Variants in MAP3K5 observed in about 807,000 individuals in gnomAD.
The protein encoded by MAP3K5 is mitogen-activated protein kinase kinase kinase 5.
In MAP3K5, 56 loss-of-function variants were observed where a neutral mutation model predicts 158.7. That is an observed-to-expected ratio of 0.35 (90% CI 0.28 to 0.44). The LOEUF is 0.44. Among genes scored for constraint, MAP3K5 ranks in the 20% least tolerant of loss-of-function variants. MAP3K5 has a pLI of 1.00. For missense variants in MAP3K5, 1,294 were observed against 1,674.8 expected (o/e 0.77, Z 3.97); for synonymous variants, 579 against 601.7 (o/e 0.96, Z 0.55).
At chr6:136,676,793 C>CTTT (rs67161871) in intron 7 of MAP3K5, among the ~76,000 whole-genome samples, 4 of 130,730 alleles carry the variant, frequency 3.1e-5, no homozygotes, top group Non-Finnish European at 4.8e-5. Context: ...CTTTTCTTTT[C>CTTT]TTTTTTTTTT....
chr6:136,593,825 A>C, intron 21 of MAP3K5: 2 of 365,952 alleles, frequency 5.5e-6, no homozygotes, highest in Non-Finnish European at 1.1e-5. Context: ...AAATTATAGA[A>C]AAGGAAATCC....
chr6:136,779,477 T>C (rs1490786124), intron 1 of MAP3K5, among the ~76,000 whole-genome samples: 1 of 149,368 alleles, frequency 6.7e-6, no homozygotes, highest in East Asian at 2.0e-4. Flanking sequence ...AATAAGGTCA[T>C]ACATATAGTG....
intron 25 of MAP3K5, among the ~76,000 whole-genome samples, chr6:136,574,816 C>T (rs1019313840): frequency 2.6e-5 from 4 of 151,210 alleles, no homozygotes; most frequent in African/African-American, 7.3e-5. Flanking sequence ...CAGCCTCCCA[C>T]GTAGCTGGGA....
chr6:136,740,095 C>T (rs1323825924), intron 1 of MAP3K5, among the ~76,000 whole-genome samples: 1 of 152,200 alleles, frequency 6.6e-6, no homozygotes, highest in African/African-American at 2.4e-5. Flanking sequence ...ATCTCCCAGC[C>T]AAGGTAATGA....
intron 1 of MAP3K5, among the ~76,000 whole-genome samples, chr6:136,779,267 T>C (rs1018825670): frequency 6.6e-6 from 1 of 151,218 alleles, no homozygotes; most frequent in African/African-American, 2.4e-5. Flanking sequence ...AAATAAATAA[T>C]AAATAAATAA....
chr6:136,725,780 C>T (rs1781941608), intron 1 of MAP3K5, among the ~76,000 whole-genome samples: 1 of 152,134 alleles, frequency 6.6e-6, no homozygotes, highest in African/African-American at 2.4e-5. Flanking sequence ...AACCCAAGGT[C>T]ACAAAAGTTT....
intron 1 of MAP3K5, among the ~76,000 whole-genome samples, chr6:136,786,909 A>T (rs765305788): frequency 6.8e-6 from 1 of 147,810 alleles, no homozygotes; most frequent in Non-Finnish European, 1.5e-5. Flanking sequence ...GGCTCAAGGG[A>T]TCCTCCCACC....
At chr6:136,655,644 A>G (rs1778707397) in intron 10 of MAP3K5, among the ~76,000 whole-genome samples, 1 of 152,160 alleles carries the variant, frequency 6.6e-6, no homozygotes, top group South Asian at 2.1e-4. Context: ...TGGATGCTGG[A>G]CGATATTAAG....
chr6:136,590,609 C>T (rs1341104474), intron 23 of MAP3K5, among the ~76,000 whole-genome samples: 2 of 151,396 alleles, frequency 1.3e-5, no homozygotes, highest in African/African-American at 2.4e-5. Context: ...GGCGCGATCT[C>T]AGCTCACTGC....
At chr6:136,607,340 C>T (rs1408954910) in intron 18 of MAP3K5, among the ~76,000 whole-genome samples, 1 of 148,540 alleles carries the variant, frequency 6.7e-6, no homozygotes, top group Non-Finnish European at 1.5e-5. Context: ...GTAATGTCAA[C>T]AACAAATTAT....
At chr6:136,604,294 C>A (rs34969769) in intron 19 of MAP3K5, among the ~76,000 whole-genome samples, 1 of 150,712 alleles carries the variant, frequency 6.6e-6, no homozygotes, top group African/African-American at 2.4e-5. Context: ...TGCACTCCAG[C>A]CTGGGTGATA....
At chr6:136,651,651 G>A (rs777710415) in intron 10 of MAP3K5, among the ~76,000 whole-genome samples, 1 of 152,008 alleles carries the variant, frequency 6.6e-6, no homozygotes, top group Non-Finnish European at 1.5e-5. Context: ...TAATAAACAC[G>A]TTTTTGCACT....
Position 136,702,888 on chromosome 6 carries a change from G to A in MAP3K5, c.612+2222C>T, listed in dbSNP as rs1271484757. 2.0e-5 allele frequency among the ~76,000 whole-genome samples: 3 copies of A among 151,874 alleles called. No homozygotes were observed. In the East Asian group the frequency reaches 5.8e-4, roughly 29 times the overall value. ...TTGTTGTATTTTTAGTAGAGACAGG[G>A]TTTCACCATGTTGGCCAGACTGGTC... On this transcript the variant is annotated intron_variant, in intron 3 of 29. Transcript: ENST00000359015.
intron 1 of MAP3K5, among the ~76,000 whole-genome samples, chr6:136,731,254 T>A (rs1335696752): frequency 6.6e-6 from 1 of 152,182 alleles, no homozygotes; most frequent in Non-Finnish European, 1.5e-5. Flanking sequence ...ACCGATCATT[T>A]TGCCCAGAAT....
Position 136,557,787 on chromosome 6 carries a change from T to G in MAP3K5, c.4096A>C (p.Ile1366Leu). 1 of 1,612,918 alleles carries G rather than the reference T, an allele frequency of 6.2e-7. No individual in the cohort carries two copies. The highest frequency in any genetic ancestry group is 8.5e-7 in the Non-Finnish European group (1 of 1,178,918). ...GGMLCTLWKA[I>L]IDFRNKQT is the part of the protein sequence containing the mutation. Reference sequence around the variant, plus strand: ...GTCTGTTTGTTTCGAAAGTCAATGATAGCCTTCCACAGTGTGCACAGCATC... The same window carrying G: ...GTCTGTTTGTTTCGAAAGTCAATGAGAGCCTTCCACAGTGTGCACAGCATC... The change falls in exon 30 of 30, where the codon ATC (isoleucine) becomes CTC (leucine). Residue 1366 changes from isoleucine to leucine, a missense_variant. Around this residue, in one of 5 missense-constraint regions of MAP3K5, gnomAD observed 199 missense variants for 220.3 expected, o/e 0.90. Transcript: ENST00000359015.
intron 19 of MAP3K5, among the ~76,000 whole-genome samples, chr6:136,602,318 TG>T (rs1330766114): frequency 2.6e-5 from 4 of 152,156 alleles, no homozygotes; most frequent in Non-Finnish European, 5.9e-5. Context: ...TTCTTTTTTT[TG>T]AGACAGGATC....
At chr6:136,633,503 T>C (rs974214643) in intron 14 of MAP3K5, among the ~76,000 whole-genome samples, 62 of 152,198 alleles carry the variant, frequency 4.1e-4, no homozygotes, top group African/African-American at 1.4e-3. Context: ...ATGAACTTTG[T>C]CTGGGGTTAT....
chr6:136,659,435 G>A (rs1317250725), intron 8 of MAP3K5, 57 bp from the exon 9 acceptor site: 5 of 1,492,666 alleles, frequency 3.3e-6, no homozygotes, highest in Non-Finnish European at 2.8e-6. Context: ...GGTAGAACCA[G>A]GTTTTCACTA....
chr6:136,785,155 G>T (rs948226686), intron 1 of MAP3K5, among the ~76,000 whole-genome samples: 4 of 152,224 alleles, frequency 2.6e-5, no homozygotes, highest in Admixed American at 2.6e-4. Flanking sequence ...GGATAGATGG[G>T]ATACAAGGTT....
Sources: allele counts gnomAD v4.1 joint callset (sites outside exome capture counted in the v4.1 genomes callset), GRCh38; gene constraint gnomAD v4.1.1; regional missense constraint gnomAD v4.1.1; transcripts MANE v1.5; gene names NCBI Gene and HGNC (gene_info 2026-07-23, HGNC 2026-07-21).